Variants in GBF1 observed in about 807,000 individuals in gnomAD.
The protein encoded by GBF1 is golgi brefeldin A resistant guanine nucleotide exchange factor 1.
Under a neutral mutation model 210.5 loss-of-function variants are expected in GBF1, and 114 were observed. The observed-to-expected ratio is 0.54, with a 90% confidence interval of 0.47 to 0.63. The LOEUF (loss-of-function observed/expected upper bound fraction) is 0.63, where lower values mean the gene tolerates loss of function less well. GBF1 is among the 30% of genes least tolerant of loss of function. The pLI, the probability that GBF1 is intolerant of heterozygous loss-of-function variation, is 0.00. For missense variants in GBF1, 1,851 were observed against 2,357.7 expected (o/e 0.79, Z 4.45); for synonymous variants, 850 against 889.2 (o/e 0.96, Z 0.78).
intron 3 of GBF1, among the ~76,000 whole-genome samples, chr10:102,323,692 C>T (rs563681191): frequency 6.6e-6 from 1 of 152,094 alleles, no homozygotes; most frequent in South Asian, 2.1e-4. Flanking sequence ...AGGCGTGAGC[C>T]ACCATGCCTG....
Position 102,363,479 on chromosome 10 carries a change from T to C in GBF1, c.2017+83T>C. 7.5e-7 allele frequency: 1 copy of C among 1,332,704 alleles called. No individual in the cohort carries two copies. Among genetic ancestry groups the C allele is most frequent in the Non-Finnish European group, 1.0e-6 (1 of 954,664 alleles). 82.6% of individuals were successfully genotyped at this position (1,332,704 alleles called of 1,614,324 possible). A position where few individuals can be genotyped will look rare whatever the true frequency, so the allele number is the denominator to read the frequency against. On this transcript the variant is annotated intron_variant, in intron 16 of 39. Transcript: ENST00000369983. The surrounding 1 kb of genome is among the most constrained non-coding windows in gnomAD (Gnocchi z 4.2). ...AGAGGGAGGGAGCAGACACCTAGGA[T>C]AGTAACTAAGCAAGCCTTGGTAGCC...
chr10:102,258,297 G>A (rs1386580916), intron 1 of GBF1, among the ~76,000 whole-genome samples: 1 of 151,116 alleles, frequency 6.6e-6, no homozygotes, highest in African/African-American at 2.4e-5. Flanking sequence ...TGAGATTACA[G>A]GCATGCGCCA....
At chr10:102,362,050 CTTTTTTTT>C (rs1164670758) in intron 14 of GBF1, 138 bp downstream of exon 14, 8 of 124,732 alleles carry the variant, frequency 6.4e-5, no homozygotes, top group East Asian at 2.7e-4. Flanking sequence ...CTTTTCTTTT[CTTTTTTTT>C]TTTTTTTTTT....
Position 102,382,447 on chromosome 10 carries a change from G to A in GBF1, c.*111G>A. On this transcript the variant is annotated 3_prime_UTR_variant, in exon 40 of 40. Transcript: ENST00000369983. ...TTCAGGCCAAGTCAGAGCTGCTGTTGCTGCCACTTGGATGGGGACCTGAAA... is the reference window on the plus strand; with the variant it reads ...TTCAGGCCAAGTCAGAGCTGCTGTTACTGCCACTTGGATGGGGACCTGAAA... The A allele has an allele frequency of 1.1e-6, 1 of 909,264 alleles. No homozygotes were observed. The highest frequency in any genetic ancestry group is 1.7e-6 in the Non-Finnish European group (1 of 603,258). 56.3% of individuals were successfully genotyped at this position (909,264 alleles called of 1,614,324 possible). A position where few individuals can be genotyped will look rare whatever the true frequency, so the allele number is the denominator to read the frequency against.
At chr10:102,310,247 G>A (rs1454335498) in intron 3 of GBF1, among the ~76,000 whole-genome samples, 1 of 152,222 alleles carries the variant, frequency 6.6e-6, no homozygotes, top group African/African-American at 2.4e-5. Flanking sequence ...GAAAAGTCGT[G>A]CCTCATGTTC....
intron 3 of GBF1, among the ~76,000 whole-genome samples, chr10:102,272,187 A>G (rs2074502472): frequency 6.6e-6 from 1 of 151,284 alleles, no homozygotes; most frequent in Non-Finnish European, 1.5e-5. Context: ...GCTCACTGCA[A>G]CCTCACTCCC....
At chr10:102,377,873 A>C (rs1396579783) in intron 33 of GBF1, among the ~76,000 whole-genome samples, 4 of 152,180 alleles carry the variant, frequency 2.6e-5, no homozygotes, top group Non-Finnish European at 5.9e-5. Flanking sequence ...AGCAGAGTTT[A>C]TATCACTAAA....
chr10:102,269,614 A>T (rs1215957027), intron 3 of GBF1, among the ~76,000 whole-genome samples: 9 of 152,152 alleles, frequency 5.9e-5, no homozygotes, highest in African/African-American at 2.2e-4. Context: ...TTTTCCACAG[A>T]TTATTTTTTG....
At chr10:102,355,129 C>T (rs3802680) in intron 8 of GBF1, among the ~76,000 whole-genome samples, 48,127 of 151,848 alleles carry the variant, frequency 0.32, 8,844 homozygotes, top group African/African-American at 0.51. Context: ...ATATACCTGC[C>T]TTAGGAAGAA....
rs924999673 is a variant in GBF1, at chr10:102,364,466, T to C, written c.2106+668T>C. On this transcript the variant is annotated intron_variant, in intron 17 of 39. Coordinates refer to ENST00000369983, the MANE Select transcript of GBF1 (RefSeq NM_001377137.1). The stretch of plus-strand genomic sequence containing the variant: ...GTCTTGATCTCCTGACCTCGTGATC[T>C]GCCCACCTTGGCCTCCCAAAGTGCT... Among the ~76,000 whole-genome samples the C allele has an allele frequency of 6.7e-5, 10 of 150,204 alleles. No individual in the cohort carries two copies. The East Asian group carries it at 1.6e-3, about 25-fold the overall frequency.
intron 3 of GBF1, among the ~76,000 whole-genome samples, chr10:102,291,890 CTTT>C (rs1223283560): frequency 5.5e-5 from 7 of 127,682 alleles, no homozygotes; most frequent in Admixed American, 1.7e-4. Flanking sequence ...TAGAACTTTT[CTTT>C]TTTTTTTTTT....
intron 3 of GBF1, among the ~76,000 whole-genome samples, chr10:102,261,769 G>A (rs1409129836): frequency 1.3e-5 from 2 of 151,770 alleles, no homozygotes; most frequent in Non-Finnish European, 2.9e-5. Flanking sequence ...TTACAGACGT[G>A]CACCACCACA....
chr10:102,257,864 G>C (rs141490951), intron 1 of GBF1, among the ~76,000 whole-genome samples: 1,856 of 152,164 alleles, frequency 0.012, 33 homozygotes, highest in African/African-American at 0.043. Context: ...CAAAGTGCTA[G>C]GATTATAGGC....
intron 3 of GBF1, among the ~76,000 whole-genome samples, chr10:102,287,090 A>T (rs1341434210): frequency 6.6e-6 from 1 of 152,166 alleles, no homozygotes; most frequent in Non-Finnish European, 1.5e-5. Context: ...ATCATAGGCA[A>T]TAACCACTTT....
chr10:102,361,370 T>C (rs1347017308), intron 13 of GBF1, among the ~76,000 whole-genome samples: 1 of 152,146 alleles, frequency 6.6e-6, no homozygotes, highest in Non-Finnish European at 1.5e-5. Flanking sequence ...TAGGGACAGC[T>C]CTTCTGCCCA....
In GBF1 at chr10:102,376,560, G is replaced by A; in HGVS notation, c.4048G>A (p.Val1350Ile). 6.2e-7 allele frequency: 1 copy of A among 1,614,092 alleles called. No individual in the cohort carries two copies. ...CCCAGCTCCTCTGTGTACTTTACAG[G>A]TTGGGAAGGATGACGTTGATAACTC... ...ADVVNSGWLV[V>I]GKDDVDNSKP... is the part of the protein sequence containing the mutation. The change falls in exon 32 of 40, where the codon GTT becomes ATT. Residue 1350 changes from valine to isoleucine, a missense_variant and splice_region_variant. Physicochemically the swap from Val to Ile is conservative, Grantham distance 29. Around this residue, in one of 3 missense-constraint regions of GBF1, gnomAD observed 967 missense variants for 1,247.7 expected, o/e 0.78. Transcript: ENST00000369983.
chr10:102,374,347 C>CAA (rs55750901), intron 29 of GBF1, among the ~76,000 whole-genome samples: 114 of 144,972 alleles, frequency 7.9e-4, no homozygotes, highest in Admixed American at 9.6e-4. Context: ...GACTCCATCT[C>CAA]AAAAAAAAAA....
chr10:102,261,831 A>G (rs2073276288), intron 3 of GBF1, among the ~76,000 whole-genome samples: 1 of 152,026 alleles, frequency 6.6e-6, no homozygotes, highest in South Asian at 2.1e-4. Context: ...CATGTTGGCC[A>G]GGCTAGTCTC....
At position 102,370,795 on chromosome 10, in the gene GBF1, C is replaced by T. The variant is rs370972697; in HGVS notation, c.3595C>T (p.Arg1199Trp). ...ACAAGATTTCTGCTTCCTTGTGGAG[C>T]GGGCAGTGGTGGGGTTGCTACGCCT... ...QAQDFCFLVE[R>W]AVVGLLRLAI... The change falls in exon 29 of 40, where the codon CGG becomes TGG. Residue 1199 changes from arginine to tryptophan, a missense_variant. By Grantham distance (101) the Arg-to-Trp change is moderately radical. Coordinates refer to ENST00000369983, the MANE Select transcript of GBF1 (RefSeq NM_001377137.1). 74 of 1,613,876 alleles carry T rather than the reference C, an allele frequency of 4.6e-5. No homozygotes were observed. The highest frequency in any genetic ancestry group is 2.6e-4 in the South Asian group (24 of 91,074).
Sources: allele counts gnomAD v4.1 joint callset (sites outside exome capture counted in the v4.1 genomes callset), GRCh38; gene constraint gnomAD v4.1.1; regional missense constraint gnomAD v4.1.1; non-coding constraint Gnocchi (gnomAD v3.1); transcripts MANE v1.5; gene names NCBI Gene and HGNC (gene_info 2026-07-23, HGNC 2026-07-21).